SLC24A2: variants seen among roughly 807,000 people sequenced by gnomAD.
SLC24A2 encodes the protein solute carrier family 24 member 2.
A neutral mutation model predicts 62.0 loss-of-function variants in SLC24A2; 36 were observed. The ratio of observed to expected loss-of-function variants is 0.58; its 90% CI spans 0.44 to 0.77. The LOEUF (loss-of-function observed/expected upper bound fraction) is 0.77, where lower values mean the gene tolerates loss of function less well. SLC24A2 is among the 30% of genes least tolerant of loss of function. The probability of loss-of-function intolerance (pLI) is 0.00; values close to 1 mark genes in which losing one functional copy is unlikely to be tolerated. For synonymous variants in SLC24A2, 358 were observed against 294.0 expected, an observed-to-expected ratio of 1.22 and a Z score of -2.23; for missense variants, 846 against 817.9, an observed-to-expected ratio of 1.03 and a Z score of -0.42.
At chr9:20,156,714 T>A in the SLC24A2 span, among the ~76,000 whole-genome samples, 5 of 151,790 alleles carry the variant, frequency 3.3e-5, no homozygotes, top group Admixed American at 3.3e-4. Context: ...AGCTTTTTCA[T>A]CTACCAAATG....
chr9:20,267,052 A>T, the SLC24A2 span, among the ~76,000 whole-genome samples: 2 of 140,812 alleles, frequency 1.4e-5, no homozygotes, highest in African/African-American at 5.5e-5. Context: ...CCATCTCTTA[A>T]GAAATGAAAA....
intron 2 of SLC24A2, among the ~76,000 whole-genome samples, chr9:19,629,275 G>C (rs1818116690): frequency 6.6e-6 from 1 of 152,170 alleles, no homozygotes; most frequent in African/African-American, 2.4e-5. Context: ...CTGTGAGGAG[G>C]CTGCAGACAA....
chr9:20,264,502 G>T, the SLC24A2 span, among the ~76,000 whole-genome samples: 19 of 152,232 alleles, frequency 1.2e-4, no homozygotes, highest in African/African-American at 4.3e-4. Context: ...TTTCTTGGTG[G>T]AATGGTAGCA....
At chr9:19,927,697 T>G in the SLC24A2 span, 1 of 152,158 alleles carries the variant, frequency 6.6e-6, no homozygotes, top group Non-Finnish European at 1.5e-5. Context: ...CCTCCTCTTT[T>G]CCTCAGTGGC....
chr9:19,935,292 C>A, the SLC24A2 span, among the ~76,000 whole-genome samples: 5 of 151,878 alleles, frequency 3.3e-5, no homozygotes, highest in Non-Finnish European at 7.4e-5. Flanking sequence ...AACAACTTTG[C>A]TGGATGATTG....
At chr9:19,947,274 G>C in the SLC24A2 span, among the ~76,000 whole-genome samples, 1 of 152,140 alleles carries the variant, frequency 6.6e-6, no homozygotes, top group Middle Eastern at 3.4e-3. Flanking sequence ...ACAGACAGGT[G>C]CCATCTTTTG....
At chr9:19,954,401 G>A in the SLC24A2 span, among the ~76,000 whole-genome samples, 3 of 152,052 alleles carry the variant, frequency 2.0e-5, no homozygotes, top group Non-Finnish European at 2.9e-5. Context: ...GTAATTTACA[G>A]TCTTAACCAG....
the SLC24A2 span, among the ~76,000 whole-genome samples, chr9:20,305,546 T>C: frequency 6.6e-6 from 1 of 152,172 alleles, no homozygotes; most frequent in African/African-American, 2.4e-5. Flanking sequence ...CTTAAACTCT[T>C]CAAAATGGGA....
intron 2 of SLC24A2, among the ~76,000 whole-genome samples, chr9:19,695,526 C>G (rs1820163619): frequency 6.6e-6 from 1 of 152,010 alleles, no homozygotes; most frequent in Non-Finnish European, 1.5e-5. Flanking sequence ...ACAACCCAAT[C>G]TGAAATATAA....
At chr9:19,733,644 G>A (rs1203226370) in intron 2 of SLC24A2, among the ~76,000 whole-genome samples, 1 of 152,122 alleles carries the variant, frequency 6.6e-6, no homozygotes, top group African/African-American at 2.4e-5. Flanking sequence ...AGTGATCCTG[G>A]TATCTCTTCC....
At chr9:20,241,410 G>A in the SLC24A2 span, among the ~76,000 whole-genome samples, 4 of 152,162 alleles carry the variant, frequency 2.6e-5, no homozygotes, top group South Asian at 4.1e-4. Context: ...CATCGCTTAT[G>A]TCTCCATCTG....
chr9:19,550,193 T>G lies in SLC24A2; in HGVS notation c.1423A>C (p.Ile475Leu). 1 of 1,614,064 alleles carries G rather than the reference T, an allele frequency of 6.2e-7. No individual in the cohort carries two copies. Residue 475 changes from isoleucine to leucine, a missense_variant, in exon 8 of 11, where the codon ATT becomes CTT. Coordinates refer to ENST00000341998, the MANE Select transcript of SLC24A2 (RefSeq NM_020344.4). ...AGAGGAAACACTATGGGGAAAACAA[T>G]CAGAAACGTGACTTGCTTGCGGGTT... ...SETRKQVTFL[I>L]VFPIVFPLWI...
intron 2 of SLC24A2, among the ~76,000 whole-genome samples, chr9:19,784,328 T>C (rs1010027661): frequency 6.6e-6 from 1 of 152,214 alleles, no homozygotes; most frequent in Admixed American, 6.5e-5. Flanking sequence ...ACCATTGGAT[T>C]GCTCTGCAGA....
At chr9:19,560,335 C>T (rs1029842296) in intron 7 of SLC24A2, among the ~76,000 whole-genome samples, 1 of 127,602 alleles carries the variant, frequency 7.8e-6, no homozygotes, top group African/African-American at 2.8e-5. Flanking sequence ...CCAAACTCTA[C>T]TCTCTACACT....
chr9:19,729,313 T>A (rs189447033), intron 2 of SLC24A2, among the ~76,000 whole-genome samples: 64 of 152,130 alleles, frequency 4.2e-4, no homozygotes, highest in African/African-American at 1.5e-3. Flanking sequence ...AGTATGGAGG[T>A]TCCTCCAAAA....
chr9:19,899,211 G>A, the SLC24A2 span, among the ~76,000 whole-genome samples: 3,651 of 152,304 alleles, frequency 0.024, 74 homozygotes, highest in Non-Finnish European at 0.036. Context: ...TGCTCTTGCC[G>A]CAAGGGAGAC....
intron 7 of SLC24A2, among the ~76,000 whole-genome samples, chr9:19,559,315 C>T (rs1835276687): frequency 6.6e-6 from 1 of 152,268 alleles, no homozygotes; most frequent in East Asian, 1.9e-4. Flanking sequence ...CAATATTTAT[C>T]AAGCATTCAT....
the SLC24A2 span, among the ~76,000 whole-genome samples, chr9:19,959,108 C>A: frequency 3.3e-5 from 5 of 152,056 alleles, no homozygotes; most frequent in Non-Finnish European, 7.4e-5. Context: ...TAAATGTGTA[C>A]AGGAACAAGA....
At chr9:20,068,659 G>A in the SLC24A2 span, among the ~76,000 whole-genome samples, 5 of 152,104 alleles carry the variant, frequency 3.3e-5, no homozygotes, top group African/African-American at 9.7e-5. Context: ...CCTGGGAGTT[G>A]CTCTTGCTTG....
Sources: gnomAD v4.1 joint callset for allele counts (sites outside exome capture counted in the v4.1 genomes callset) on GRCh38, gnomAD v4.1.1 for gene constraint, MANE v1.5 for transcripts, NCBI Gene and HGNC (gene_info 2026-07-23, HGNC 2026-07-21) for gene names.